The following UTP20 variants were observed in gnomAD, a reference collection of about 807,000 sequenced individuals.
The protein encoded by UTP20 is small subunit processome component 20 homolog.
A neutral mutation model predicts 329.5 loss-of-function variants in UTP20; 164 were observed. That is an observed-to-expected ratio of 0.50 (90% CI 0.44 to 0.57). The LOEUF (loss-of-function observed/expected upper bound fraction) is 0.57, where lower values mean the gene tolerates loss of function less well. UTP20 is among the 20% of genes least tolerant of loss of function. UTP20 has a pLI of 0.00. For missense variants in UTP20, 3,055 were observed against 3,284.2 expected, an observed-to-expected ratio of 0.93 and a Z score of 1.71; for synonymous variants, 1,151 against 1,159.3, an observed-to-expected ratio of 0.99 and a Z score of 0.14.
rs775793754 is a variant in UTP20, at chr12:101,352,142, C to T, written c.4972C>T (p.His1658Tyr). 3.1e-6 allele frequency: 5 copies of T among 1,613,844 alleles called. No individual in the cohort carries two copies. In the Admixed American group the frequency reaches 8.3e-5, roughly 27 times the overall value. The change falls in exon 39 of 62, where the codon CAT becomes TAT. Residue 1658 changes from histidine to tyrosine, a missense_variant. His to Tyr is a moderately conservative substitution (Grantham distance 83). Coordinates refer to ENST00000261637, the MANE Select transcript of UTP20 (RefSeq NM_014503.3). The stretch of plus-strand genomic sequence containing the variant: ...GTCAGCGTATATGTATTACTTGAAA[C>T]ATTTCATTCATGTCTTACAAACGGG... ...SWSAYMYYLK[H>Y]FIHVLQTGQI...
chr12:101,371,484 C>T (rs1005302213), intron 51 of UTP20, among the ~76,000 whole-genome samples: 7 of 146,800 alleles, frequency 4.8e-5, no homozygotes, highest in East Asian at 2.0e-4. Context: ...CCAGGTTGGG[C>T]AGGACCTTGT....
chr12:101,302,486 C>A lies in UTP20; in HGVS notation c.1714C>A (p.Leu572Ile). ...FVLCQAVNTL[L>I]SLEESSELLH... ...TCTTTGTCAAGCTGTAAATACTCTA[C>A]TAAGTTTGGAAGAATCTTCTGAACT... is the stretch of plus-strand genomic sequence containing the variant. Residue 572 changes from leucine (L) to isoleucine (I), a missense_variant, in exon 15 of 62, where the codon CTA becomes ATA. Physicochemically the swap from Leu to Ile is conservative, Grantham distance 5. Around this residue, in one of 3 missense-constraint regions of UTP20, gnomAD observed 2,445 missense variants for 2,575.5 expected, o/e 0.95. Transcript: ENST00000261637. 1.2e-6 allele frequency: 2 copies of A among 1,610,740 alleles called. No individual in the cohort carries two copies. The highest frequency in any genetic ancestry group is 8.5e-7 in the Non-Finnish European group (1 of 1,179,188).
At position 101,295,738 on chromosome 12, in the gene UTP20, A is replaced by C. The variant is rs545290496; in HGVS notation, c.1430+80A>C. The C allele has an allele frequency of 5.8e-6, 8 of 1,383,296 alleles. No homozygotes were observed. In the African/African-American group the frequency reaches 1.2e-4, roughly 20 times the overall value. The allele number at this position is 1,383,296 out of a possible 1,614,324, so 85.7% of individuals were successfully genotyped here. A position where few individuals can be genotyped will look rare whatever the true frequency, so the allele number is the denominator to read the frequency against. ...AATGTATCAAGAATACTGTAAAAAA[A>C]TGATCTATATGTAACAGGAAAGATG... On this transcript the variant is annotated intron_variant, in intron 12 of 61. Coordinates refer to ENST00000261637, the MANE Select transcript of UTP20 (RefSeq NM_014503.3).
rs1870226699 is a variant in UTP20 at position 101,369,855 on chromosome 12, G to A, written c.6519G>A (p.Arg2173=). 1.2e-6 allele frequency: 2 copies of A among 1,613,856 alleles called. No individual in the cohort carries two copies. The highest frequency in any genetic ancestry group is 1.7e-5 in the Admixed American group (1 of 59,972). ...ACTATGCAAAGCTCGGGGCCGCCAG[G>A]GGCCAGAACTTCCACCTTGTGGTCA... ...LKDYAKLGAA[R]GQNFHLVVNC... Residue 2173 remains arginine, a synonymous_variant, in exon 49 of 62, where the codon AGG becomes AGA. Transcript: ENST00000261637.
intron 5 of UTP20, 76 bp downstream of exon 5, chr12:101,286,585 A>G (rs1593416433): frequency 3.2e-6 from 4 of 1,245,514 alleles, no homozygotes; most frequent in Middle Eastern, 2.5e-4. Flanking sequence ...ACTCCAAACC[A>G]CTTTGCCAGC....
chr12:101,284,197 A>G (rs1384515362), intron 2 of UTP20, among the ~76,000 whole-genome samples: 1 of 152,146 alleles, frequency 6.6e-6, no homozygotes, highest in Non-Finnish European at 1.5e-5. Context: ...TCACCCAGGT[A>G]GTGAGCATAG....
At chr12:101,344,934 C>CTTTTTTTTT (rs11417670) in intron 36 of UTP20, among the ~76,000 whole-genome samples, 184 bp downstream of exon 36, 10 of 61,562 alleles carry the variant, frequency 1.6e-4, no homozygotes, top group Admixed American at 2.2e-4. Context: ...CTTTTTTTTG[C>CTTTTTTTTT]TTTTTTTTTT....
chr12:101,376,241 A>G (rs11110769), intron 56 of UTP20, among the ~76,000 whole-genome samples: 9 of 152,296 alleles, frequency 5.9e-5, no homozygotes, highest in East Asian at 5.8e-4. Flanking sequence ...TATCTATAAG[A>G]CACCTAGTAG....
At chr12:101,313,078 C>T (rs1027140497) in intron 21 of UTP20, among the ~76,000 whole-genome samples, 4 of 152,158 alleles carry the variant, frequency 2.6e-5, no homozygotes, top group African/African-American at 9.7e-5. Context: ...TGAGGAATAA[C>T]AAGAGTTTTC....
chr12:101,298,901 C>G (rs532331269), intron 12 of UTP20, among the ~76,000 whole-genome samples: 2 of 150,726 alleles, frequency 1.3e-5, no homozygotes, highest in Non-Finnish European at 3.0e-5. Context: ...CTTCCCCTAC[C>G]TGACCATTTT....
rs776732137 is a variant in UTP20 at position 101,385,565 on chromosome 12, C to G, written c.8057-18C>G. The G allele has an allele frequency of 3.1e-6, 5 of 1,603,280 alleles. No homozygotes were observed. In the African/African-American group the frequency reaches 4.1e-5, roughly 13 times the overall value. ...CTTTCCTACCTGTCTCTGATCATTA[C>G]TCTTTGTGTGTGATTAGATCCTTTG... On this transcript the variant is annotated intron_variant, in intron 60 of 61. Coordinates refer to ENST00000261637, the MANE Select transcript of UTP20 (RefSeq NM_014503.3).
rs555998377 is a variant in UTP20 at position 101,293,832 on chromosome 12, G to C, written c.1251+587G>C. 2.6e-5 allele frequency among the ~76,000 whole-genome samples: 4 copies of C among 151,950 alleles called. No homozygotes were observed. In the South Asian group the frequency reaches 8.3e-4, roughly 32 times the overall value. ...CTGCCCCAGGAAGACTCTTCATCTT[G>C]CTCTGTTTAACAACTGCATTTTTCC... On this transcript the variant is annotated intron_variant, in intron 11 of 61. Transcript: ENST00000261637.
intron 19 of UTP20, among the ~76,000 whole-genome samples, chr12:101,310,461 G>A (rs1306230711): frequency 6.6e-6 from 1 of 151,614 alleles, no homozygotes; most frequent in African/African-American, 2.4e-5. Context: ...TGTAATGCTA[G>A]CGACTCAGGA....
intron 5 of UTP20, among the ~76,000 whole-genome samples, chr12:101,286,868 C>T (rs1871976623): frequency 6.6e-6 from 1 of 152,090 alleles, no homozygotes; most frequent in East Asian, 1.9e-4. Flanking sequence ...TAATGTATTG[C>T]TGTCCTCTCT....
At chr12:101,299,206 C>T (rs1872450211) in intron 12 of UTP20, among the ~76,000 whole-genome samples, 1 of 152,164 alleles carries the variant, frequency 6.6e-6, no homozygotes, top group Non-Finnish European at 1.5e-5. Context: ...CATTGAGCAA[C>T]TGTGTATCTG....
intron 56 of UTP20, among the ~76,000 whole-genome samples, chr12:101,377,581 C>T (rs771441398): frequency 1.3e-5 from 2 of 152,132 alleles, no homozygotes; most frequent in Non-Finnish European, 2.9e-5. Flanking sequence ...CCGCCTGCCT[C>T]GGCCTCCCAA....
At chr12:101,344,212 A>G (rs1434494752) in intron 35 of UTP20, among the ~76,000 whole-genome samples, 1 of 152,238 alleles carries the variant, frequency 6.6e-6, no homozygotes, top group Non-Finnish European at 1.5e-5. Context: ...ACTCACTTTG[A>G]CATTCTTCAA....
chr12:101,375,067 A>G (rs1870429399), intron 55 of UTP20, 128 bp downstream of exon 55: 2 of 631,044 alleles, frequency 3.2e-6, no homozygotes, highest in African/African-American at 3.7e-5. Context: ...TTTATAGCTA[A>G]TCAATTAAAT....
rs1310233309 is a variant in UTP20, at chr12:101,383,389, C to G, written c.7929+76C>G. The G allele has an allele frequency of 2.4e-5, 36 of 1,493,830 alleles. No individual in the cohort carries two copies. The East Asian group carries it at 6.6e-4, about 28-fold the overall frequency. The allele number at this position is 1,493,830 out of a possible 1,614,324, so 92.5% of individuals were successfully genotyped here. ...TATTTTAATGATATTAGTGATCCTC[C>G]TAAGTCCCTAGAAACTTTATCTTTG... On this transcript the variant is annotated intron_variant, in intron 59 of 61. Coordinates refer to ENST00000261637, the MANE Select transcript of UTP20 (RefSeq NM_014503.3).
Sources: gnomAD v4.1 joint callset for allele counts (sites outside exome capture counted in the v4.1 genomes callset) on GRCh38, gnomAD v4.1.1 for gene constraint, gnomAD v4.1.1 regional missense constraint, MANE v1.5 for transcripts, NCBI Gene and HGNC (gene_info 2026-07-23, HGNC 2026-07-21) for gene names.